Variants in IBTK observed in about 807,000 individuals in gnomAD.
IBTK encodes the protein BTK-binding protein.
Under a neutral mutation model 154.9 loss-of-function variants are expected in IBTK, and 83 were observed. The ratio of observed to expected loss-of-function variants is 0.54; its 90% CI spans 0.45 to 0.64. The LOEUF (loss-of-function observed/expected upper bound fraction) is 0.64, where lower values mean the gene tolerates loss of function less well. Among genes scored for constraint, IBTK ranks in the 30% least tolerant of loss-of-function variants. The probability of loss-of-function intolerance (pLI) is 0.00; values close to 1 mark genes in which losing one functional copy is unlikely to be tolerated. For missense variants in IBTK, 1,332 were observed against 1,584.6 expected, an observed-to-expected ratio of 0.84 and a Z score of 2.71; for synonymous variants, 515 against 536.1, an observed-to-expected ratio of 0.96 and a Z score of 0.54.
chr6:82,214,564 C>A lies in IBTK; in HGVS notation c.1867G>T (p.Val623Phe). The change falls in exon 12 of 29, where the codon GTT (valine) becomes TTT (phenylalanine). Residue 623 changes from valine (V) to phenylalanine (F), a missense_variant. By Grantham distance (50) the Val-to-Phe change is conservative (BLOSUM62 -1). Transcript: ENST00000306270. ...AGGTATTCAAACATGTCAGGATGAA[C>A]CTTCTCTACCACAAAGAGATGGCAC... The part of the protein sequence containing the change: ...AGCHLFVVEK[V>F]HPDMFEYLLQ... The A allele has an allele frequency of 1.9e-6, 3 of 1,614,076 alleles. No homozygotes were observed. Among genetic ancestry groups the A allele is most frequent in the Non-Finnish European group, 2.5e-6 (3 of 1,179,998 alleles).
At chr6:82,217,928 A>G (rs1389368889) in intron 10 of IBTK, 32 bp downstream of exon 10, 1 of 1,372,240 alleles carries the variant, frequency 7.3e-7, no homozygotes, top group Admixed American at 2.4e-5. Context: ...ATTGAAAGGT[A>G]CTTTTACGTA....
At chr6:82,216,006 A>G (rs1769858654) in intron 11 of IBTK, 70 bp downstream of exon 11, 2 of 1,128,778 alleles carry the variant, frequency 1.8e-6, no homozygotes. Context: ...TTGCACCAGC[A>G]GCTACTGAAA....
rs375741187 is a variant in IBTK, at chr6:82,239,392, G to A, written c.321+774C>T. 6.6e-5 allele frequency among the ~76,000 whole-genome samples: 10 copies of A among 152,132 alleles called. No individual in the cohort carries two copies. In the East Asian group the frequency reaches 1.8e-3, roughly 27 times the overall value. ...CGGGAGGCGGAGCTTGCCATGATCC[G>A]AGATCAGGGGCCACAGCACTCCAGC... On this transcript the variant is annotated intron_variant, in intron 2 of 28. Coordinates refer to ENST00000306270, the MANE Select transcript of IBTK (RefSeq NM_015525.4).
chr6:82,224,399 A>G (rs1300005613), intron 6 of IBTK, among the ~76,000 whole-genome samples: 2 of 152,254 alleles, frequency 1.3e-5, no homozygotes, highest in Non-Finnish European at 2.9e-5. Flanking sequence ...ACTTTCAGTC[A>G]GCAGTTTTAA....
chr6:82,202,248 T>C (rs1164188448), intron 18 of IBTK, among the ~76,000 whole-genome samples: 3 of 152,234 alleles, frequency 2.0e-5, no homozygotes, highest in Non-Finnish European at 4.4e-5. Context: ...TGTTCTCATA[T>C]TGTCACCAAT....
At chr6:82,181,776 A>G in intron 26 of IBTK, 103 bp downstream of exon 26, 1 of 787,234 alleles carries the variant, frequency 1.3e-6, no homozygotes, top group East Asian at 2.9e-5. Flanking sequence ...AAGAGTGTAC[A>G]AAAAATCTGC....
At position 82,216,268 on chromosome 6, in the gene IBTK, A is replaced by G; in HGVS notation, c.1427-18T>C. 1 of 1,509,710 alleles carries G rather than the reference A, an allele frequency of 6.6e-7. No homozygotes were observed. The highest frequency in any genetic ancestry group is 9.0e-7 in the Non-Finnish European group (1 of 1,107,954). 93.5% of individuals were successfully genotyped at this position (1,509,710 alleles called of 1,614,324 possible). On this transcript the variant is annotated intron_variant, in intron 10 of 28. Coordinates refer to ENST00000306270, the MANE Select transcript of IBTK (RefSeq NM_015525.4). ...TAAAATCTCTGTTAAAAAAAAATAA[A>G]CTACCATTAATCAAGGCTTTACTGA...
intron 26 of IBTK, chr6:82,174,870 A>G (rs889306380): frequency 4.6e-6 from 2 of 431,686 alleles, no homozygotes; most frequent in Admixed American, 2.5e-5. Flanking sequence ...TTTAGAGTAC[A>G]GTGTTTTTTC....
chr6:82,199,325 G>C (rs1002978040), intron 21 of IBTK, among the ~76,000 whole-genome samples: 2 of 152,084 alleles, frequency 1.3e-5, no homozygotes, highest in Non-Finnish European at 2.9e-5. Context: ...ATGCAAATGT[G>C]ATGAGAAGTT....
At chr6:82,202,718 T>C in intron 17 of IBTK, 73 bp from the exon 18 acceptor site, 2 of 758,582 alleles carry the variant, frequency 2.6e-6, no homozygotes, top group East Asian at 2.9e-5. Flanking sequence ...TACATTTATG[T>C]CTAAAGCTGT....
intron 1 of IBTK, among the ~76,000 whole-genome samples, chr6:82,244,060 A>G (rs1415060242): frequency 1.3e-5 from 2 of 152,238 alleles, no homozygotes; most frequent in Non-Finnish European, 2.9e-5. Flanking sequence ...TATCAGTTAT[A>G]TAACTAAAAA....
At chr6:82,182,190 A>C (rs1768348082) in intron 25 of IBTK, among the ~76,000 whole-genome samples, 162 bp from the exon 26 acceptor site, 1 of 152,188 alleles carries the variant, frequency 6.6e-6, no homozygotes, top group South Asian at 2.1e-4. Context: ...GAAATATCCA[A>C]AACTATTCCA....
chr6:82,170,027 T>C lies in IBTK; in HGVS notation c.*1398A>G, dbSNP rs1466401118. The C allele has an allele frequency of 6.6e-6, 1 of 152,198 alleles. No individual in the cohort carries two copies. Among genetic ancestry groups the C allele is most frequent in the African/African-American group, 2.4e-5 (1 of 41,450 alleles). 9.4% of individuals were successfully genotyped at this position (152,198 alleles called of 1,614,324 possible). On this transcript the variant is annotated 3_prime_UTR_variant, in exon 29 of 29. Transcript: ENST00000306270. ...TCTTTACTGCAACATCAATAGAACATTTATAAAATTCATTTCTCAATTTAC... is the reference window on the plus strand; with the variant it reads ...TCTTTACTGCAACATCAATAGAACACTTATAAAATTCATTTCTCAATTTAC...
At chr6:82,196,026 C>T (rs183880443) in intron 22 of IBTK, among the ~76,000 whole-genome samples, 1 of 152,240 alleles carries the variant, frequency 6.6e-6, no homozygotes, top group Admixed American at 6.5e-5. Flanking sequence ...ATTTTTTCAA[C>T]ATGTCTATAG....
At position 82,214,314 on chromosome 6, in the gene IBTK, T is replaced by G; in HGVS notation, c.2117A>C (p.Lys706Thr). Residue 706 changes from lysine (K) to threonine (T), a missense_variant, in exon 12 of 29, where the codon AAA (lysine) becomes ACA (threonine). Lys to Thr is a moderately conservative substitution (Grantham distance 78). Coordinates refer to ENST00000306270, the MANE Select transcript of IBTK (RefSeq NM_015525.4). ...ERQKSKPKSC[K>T]KGKNIREDDP... Reference sequence around the variant, plus strand: ...ATCTTCCCTAATATTTTTTCCTTTTTTACAAGATTTAGGTTTGCTCTTCTG... The same window carrying G: ...ATCTTCCCTAATATTTTTTCCTTTTGTACAAGATTTAGGTTTGCTCTTCTG... The G allele has an allele frequency of 6.2e-7, 1 of 1,614,022 alleles. No individual in the cohort carries two copies. The highest frequency in any genetic ancestry group is 8.5e-7 in the Non-Finnish European group (1 of 1,179,988).
rs1771206053 is a variant in IBTK at position 82,247,597 on chromosome 6, A to T, written c.-393T>A. 2 of 398,804 alleles carry T rather than the reference A, an allele frequency of 5.0e-6. No homozygotes were observed. The highest frequency in any genetic ancestry group is 8.8e-6 in the Non-Finnish European group (2 of 226,222). The allele number at this position is 398,804 out of a possible 1,614,324, so 24.7% of individuals were successfully genotyped here. On this transcript the variant is annotated 5_prime_UTR_variant, in exon 1 of 29. Coordinates refer to ENST00000306270, the MANE Select transcript of IBTK (RefSeq NM_015525.4). ...ATGAAACTGCGCCGGTGGATTCCGC[A>T]GGGTCCACATAGAGCCACAAAGGGA...
chr6:82,185,694 C>T (rs1238987755), intron 25 of IBTK, among the ~76,000 whole-genome samples: 3 of 151,726 alleles, frequency 2.0e-5, no homozygotes, highest in Non-Finnish European at 2.9e-5. Flanking sequence ...ATGTGGCTAT[C>T]TCATAATTTT....
chr6:82,205,095 G>T (rs1383373523), intron 16 of IBTK, 137 bp from the exon 17 acceptor site: 1 of 431,354 alleles, frequency 2.3e-6, no homozygotes, highest in Non-Finnish European at 4.2e-6. Context: ...CACTAGAAAA[G>T]AGATTTAAGA....
rs532738715 is a variant in IBTK at position 82,224,428 on chromosome 6, G to C, written c.826-243C>G. Among the ~76,000 whole-genome samples, 2 of 152,218 alleles carry C rather than the reference G, an allele frequency of 1.3e-5. 1 individual carries two copies. The highest frequency in any genetic ancestry group is 4.2e-4 in the South Asian group (2 of 4,814). On this transcript the variant is annotated intron_variant, in intron 6 of 28. Coordinates refer to ENST00000306270, the MANE Select transcript of IBTK (RefSeq NM_015525.4). ...GTTTTAACATATAGAAAATTGACAT[G>C]GTGTAAGAATCAAATTATTAAACTT...
Sources: gnomAD v4.1 joint callset for allele counts (sites outside exome capture counted in the v4.1 genomes callset) on GRCh38, gnomAD v4.1.1 for gene constraint, MANE v1.5 for transcripts, NCBI Gene and HGNC (gene_info 2026-07-23, HGNC 2026-07-21) for gene names.